MRTFA: variants seen among roughly 807,000 people sequenced by gnomAD.
The protein encoded by MRTFA is myocardin related transcription factor A, also known as myocardin-related transcription factor A.
In MRTFA, 20 loss-of-function variants were observed where a neutral mutation model predicts 83.5. The ratio of observed to expected loss-of-function variants is 0.24; its 90% confidence interval spans 0.17 to 0.35. MRTFA has a LOEUF of 0.35. Ranked by LOEUF, MRTFA falls within the 10% of genes least tolerant of loss-of-function variation. The pLI is 1.00. For missense variants in MRTFA, 1,200 were observed against 1,224.7 expected, an observed-to-expected ratio of 0.98 and a Z score of 0.30; for synonymous variants, 659 against 541.2, an observed-to-expected ratio of 1.22 and a Z score of -3.02.
intron 3 of MRTFA, among the ~76,000 whole-genome samples, chr22:40,527,339 G>A (rs933291871): frequency 6.6e-6 from 1 of 151,256 alleles, no homozygotes; most frequent in Non-Finnish European, 1.5e-5. Flanking sequence ...AGCTCAGCCT[G>A]ATACTGCCCT....
chr22:40,597,732 G>C (rs1228723808), intron 1 of MRTFA, among the ~76,000 whole-genome samples: 1 of 152,226 alleles, frequency 6.6e-6, no homozygotes, highest in African/African-American at 2.4e-5. Context: ...TCACGCAGAG[G>C]AAGAAATGTG....
chr22:40,556,121 T>TTTTC (rs55874291), intron 2 of MRTFA, among the ~76,000 whole-genome samples: 15,306 of 151,924 alleles, frequency 0.1, 913 homozygotes, highest in East Asian at 0.25. Flanking sequence ...AATGAAAAAA[T>TTTTC]TTTAAGGTTC....
At chr22:40,580,307 T>A (rs1354808706) in intron 2 of MRTFA, among the ~76,000 whole-genome samples, 1 of 152,126 alleles carries the variant, frequency 6.6e-6, no homozygotes, top group Non-Finnish European at 1.5e-5. Flanking sequence ...CAAGCATTCC[T>A]CCCACCTTAG....
intron 3 of MRTFA, among the ~76,000 whole-genome samples, chr22:40,534,427 C>T (rs2147280916): frequency 6.6e-6 from 1 of 152,302 alleles, no homozygotes; most frequent in East Asian, 1.9e-4. Flanking sequence ...TGTGAATAGA[C>T]AGTATACTGA....
At chr22:40,592,137 G>A (rs1017924370) in intron 2 of MRTFA, among the ~76,000 whole-genome samples, 1 of 151,882 alleles carries the variant, frequency 6.6e-6, no homozygotes, top group Non-Finnish European at 1.5e-5. Context: ...TGTTTTAAAA[G>A]AATGTGTGGG....
intron 4 of MRTFA, among the ~76,000 whole-genome samples, chr22:40,446,460 T>G (rs1360389946): frequency 6.6e-6 from 1 of 152,042 alleles, no homozygotes; most frequent in Non-Finnish European, 1.5e-5. Flanking sequence ...GTGTTCTGTC[T>G]TGGAGAATCA....
chr22:40,552,304 C>A lies in MRTFA; in HGVS notation c.43G>T (p.Ala15Ser). ...CCTCCTCCGTCCAGCCCATTCACAG[C>A]AATGACGGAAGGGGGCAGGCACACC... The change falls in exon 3 of 15, where the codon GCT (alanine) becomes TCT (serine). Residue 15 changes from alanine to serine, a missense_variant. Physicochemically the swap from Ala to Ser is moderately conservative, Grantham distance 99. Transcript: ENST00000355630. 2.5e-6 allele frequency: 1 copy of A among 399,028 alleles called. No homozygotes were observed. The highest frequency in any genetic ancestry group is 4.4e-6 in the Non-Finnish European group (1 of 226,074). The allele number at this position is 399,028 out of a possible 1,614,324, so 24.7% of individuals were successfully genotyped here. A position where few individuals can be genotyped will look rare whatever the true frequency, so the allele number is the denominator to read the frequency against.
At chr22:40,617,325 G>C (rs1197775574) in intron 1 of MRTFA, among the ~76,000 whole-genome samples, 1 of 152,118 alleles carries the variant, frequency 6.6e-6, no homozygotes, top group Non-Finnish European at 1.5e-5. Flanking sequence ...GTCTCCTACA[G>C]AGAGAGAAAA....
Position 40,419,035 on chromosome 22 carries a change from T to G in MRTFA, c.1703A>C (p.Glu568Ala), listed in dbSNP as rs556423980. The G allele has an allele frequency of 6.2e-7, 1 of 1,612,340 alleles. No individual in the cohort carries two copies. The highest frequency in any genetic ancestry group is 8.5e-7 in the Non-Finnish European group (1 of 1,179,766). The change falls in exon 12 of 15, where the codon GAA (glutamate) becomes GCA (alanine). Residue 568 changes from glutamate to alanine, a missense_variant. Around this residue, in one of 2 missense-constraint regions of MRTFA, gnomAD observed 1,107 missense variants for 1,041.8 expected, o/e 1.06. Transcript: ENST00000355630. ...AAAGGTGTCCCCGGGGGTGGAGTTT[T>G]CATCGCCCGTGCTGAGCAGTGAGCG...
intron 3 of MRTFA, among the ~76,000 whole-genome samples, chr22:40,488,677 C>T (rs1037026209): frequency 2.6e-5 from 4 of 151,838 alleles, no homozygotes; most frequent in Middle Eastern, 3.2e-3. Flanking sequence ...ACTAAAAATA[C>T]GAAAAATTAG....
intron 3 of MRTFA, among the ~76,000 whole-genome samples, chr22:40,520,873 T>G (rs977634742): frequency 7.9e-5 from 12 of 152,200 alleles, no homozygotes; most frequent in African/African-American, 2.9e-4. Context: ...CATTTGTCTG[T>G]GTAAAAATAC....
At chr22:40,464,016 C>A (rs1477189272) in intron 3 of MRTFA, among the ~76,000 whole-genome samples, 2 of 151,998 alleles carry the variant, frequency 1.3e-5, no homozygotes, top group Non-Finnish European at 2.9e-5. Context: ...AATCAACTAT[C>A]AGCCAGGCAC....
intron 3 of MRTFA, among the ~76,000 whole-genome samples, chr22:40,546,884 G>A (rs1419832796): frequency 3.3e-5 from 5 of 152,156 alleles, no homozygotes; most frequent in Admixed American, 1.3e-4. Context: ...TGCCAGGCGC[G>A]GTGGATCACG....
At chr22:40,461,035 T>C (rs973372321) in intron 4 of MRTFA, among the ~76,000 whole-genome samples, 1 of 150,442 alleles carries the variant, frequency 6.6e-6, no homozygotes, top group African/African-American at 2.4e-5. Flanking sequence ...TCCATCTCTA[T>C]AAAAAGTAAA....
At chr22:40,461,860 G>T (rs980512313) in intron 4 of MRTFA, among the ~76,000 whole-genome samples, 1 of 151,902 alleles carries the variant, frequency 6.6e-6, no homozygotes, top group Non-Finnish European at 1.5e-5. Context: ...TAATGCCCTG[G>T]CTCTAGCCCT....
intron 3 of MRTFA, among the ~76,000 whole-genome samples, chr22:40,486,917 G>A (rs2054183281): frequency 1.3e-5 from 2 of 152,162 alleles, no homozygotes; most frequent in East Asian, 3.9e-4. Flanking sequence ...AGGCTGCAGT[G>A]GGCCAAGGTT....
intron 4 of MRTFA, among the ~76,000 whole-genome samples, chr22:40,462,444 G>T (rs1487896483): frequency 6.6e-6 from 1 of 152,186 alleles, no homozygotes; most frequent in Non-Finnish European, 1.5e-5. Context: ...GCCAGAAGTT[G>T]TATGATTGTT....
At chr22:40,506,860 A>G (rs941345308) in intron 3 of MRTFA, among the ~76,000 whole-genome samples, 1 of 152,234 alleles carries the variant, frequency 6.6e-6, no homozygotes, top group African/African-American at 2.4e-5. Flanking sequence ...ACCAGCAAGC[A>G]CATGTGACAC....
At chr22:40,546,738 G>A (rs1165501859) in intron 3 of MRTFA, among the ~76,000 whole-genome samples, 1 of 152,204 alleles carries the variant, frequency 6.6e-6, no homozygotes, top group African/African-American at 2.4e-5. Context: ...ACACTTCAGA[G>A]AAAAAGGCCG....
Sources: allele counts gnomAD v4.1 joint callset (sites outside exome capture counted in the v4.1 genomes callset), GRCh38; gene constraint gnomAD v4.1.1; regional missense constraint gnomAD v4.1.1; transcripts MANE v1.5; gene names NCBI Gene and HGNC (gene_info 2026-07-23, HGNC 2026-07-21).